Variants in CUX1 observed in about 807,000 individuals in gnomAD.
The protein encoded by CUX1 is protein CASP.
A neutral mutation model predicts 158.8 loss-of-function variants in CUX1; 31 were observed. The observed-to-expected ratio is 0.20, with a 90% CI of 0.15 to 0.26. The LOEUF is 0.26. Among genes scored for constraint, CUX1 ranks in the 10% least tolerant of loss-of-function variants. The pLI is 1.00. For synonymous variants in CUX1, 879 were observed against 862.1 expected, an observed-to-expected ratio of 1.02 and a Z score of -0.34; for missense variants, 1,589 against 2,014.6, an observed-to-expected ratio of 0.79 and a Z score of 4.04.
At chr7:102,101,245 C>T (rs145931204) in intron 5 of CUX1, among the ~76,000 whole-genome samples, 211 of 152,346 alleles carry the variant, frequency 1.4e-3, no homozygotes, top group Non-Finnish European at 2.5e-3. Flanking sequence ...ACTTCTGCCT[C>T]ATGGGCCACA....
intron 2 of CUX1, among the ~76,000 whole-genome samples, chr7:102,021,614 C>CTTTTTTTTTTTTTTT (rs67147187): frequency 8.2e-5 from 9 of 109,336 alleles, no homozygotes; most frequent in South Asian, 2.7e-4. Context: ...TTTTTTTTCT[C>CTTTTTTTTTTTTTTT]TTTTTTTTTT....
In CUX1 at chr7:102,106,978, A is replaced by G. The variant is rs539374157; in HGVS notation, c.530+2519A>G. Among the ~76,000 whole-genome samples the G allele has an allele frequency of 1.1e-4, 16 of 152,348 alleles. No individual in the cohort carries two copies. In the East Asian group the frequency reaches 3.1e-3, roughly 29 times the overall value. ...CACAGTGGCTCACATCTGTAATCCC[A>G]GCACTTTGAGAGGCTGAGGCAGGAG... On this transcript the variant is annotated intron_variant, in intron 6 of 23. Transcript: ENST00000292535.
chr7:102,167,943 C>T (rs577743152), intron 9 of CUX1, among the ~76,000 whole-genome samples: 74 of 152,026 alleles, frequency 4.9e-4, no homozygotes, highest in Admixed American at 8.5e-4. Flanking sequence ...TCGGTTGTGG[C>T]ATTGTGTGTC....
rs1280561235 is a variant in CUX1 at position 102,275,416 on chromosome 7, A to G, written c.1563+57A>G. 2.9e-6 allele frequency: 4 copies of G among 1,365,252 alleles called. No individual in the cohort carries two copies. The East Asian group carries it at 7.0e-5, about 24-fold the overall frequency. The allele number at this position is 1,365,252 out of a possible 1,614,324, so 84.6% of individuals were successfully genotyped here. A position where few individuals can be genotyped will look rare whatever the true frequency, so the allele number is the denominator to read the frequency against. On this transcript the variant is annotated intron_variant, in intron 17 of 22. Coordinates refer to the CUX1 transcript ENST00000292538. ...TTGGGCCCAAGGACACAGTTGGGGA[A>G]CACACAGGCTTTCAGGAGAGAGATG...
In CUX1 at chr7:101,869,638, G is replaced by C. The variant is rs945077168; in HGVS notation, c.31-46477G>C. 6.6e-6 allele frequency among the ~76,000 whole-genome samples: 1 copy of C among 152,134 alleles called. No individual in the cohort carries two copies. The highest frequency in any genetic ancestry group is 2.1e-4 in the South Asian group (1 of 4,822). On this transcript the variant is annotated intron_variant, in intron 1 of 23. Coordinates refer to ENST00000292535, the MANE Select transcript of CUX1 (RefSeq NM_181552.4). This position sits in a 1 kb window ranked among gnomAD's most constrained non-coding sequence, Gnocchi z 4.5. ...GGCGGCCAGCAGGGCGGGAGGAGGC[G>C]TTGGTGTGCACACGCGGGGAGCCTC...
chr7:102,111,887 G>C lies in CUX1; in HGVS notation c.607+113G>C, dbSNP rs1830927654. The stretch of plus-strand genomic sequence containing the variant: ...GATACCTGTTGCTCTTCGGGGCCGT[G>C]GGAGCTGCCGGGAGCCCACGCTGAA... On this transcript the variant is annotated intron_variant, in intron 7 of 23. Coordinates refer to ENST00000292535, the MANE Select transcript of CUX1 (RefSeq NM_181552.4). The C allele has an allele frequency of 3.7e-6, 3 of 805,954 alleles. No individual in the cohort carries two copies. The Admixed American group carries it at 7.1e-5, about 19-fold the overall frequency. The allele number at this position is 805,954 out of a possible 1,614,324, so 49.9% of individuals were successfully genotyped here. A position where few individuals can be genotyped will look rare whatever the true frequency, so the allele number is the denominator to read the frequency against.
chr7:102,272,902 G>A (rs782107187), intron 14 of CUX1, among the ~76,000 whole-genome samples: 3 of 152,088 alleles, frequency 2.0e-5, no homozygotes, highest in Non-Finnish European at 4.4e-5. Context: ...GCACCCCCGC[G>A]GCTTTCTCTG....
chr7:101,928,044 G>A (rs1012679207), intron 2 of CUX1, among the ~76,000 whole-genome samples: 2 of 152,130 alleles, frequency 1.3e-5, no homozygotes, highest in Admixed American at 6.5e-5. Context: ...GTGTCCAGCC[G>A]TTTTTACAGG....
At chr7:102,213,877 A>G (rs1238213380) in intron 20 of CUX1, among the ~76,000 whole-genome samples, 1 of 152,200 alleles carries the variant, frequency 6.6e-6, no homozygotes, top group Non-Finnish European at 1.5e-5. Flanking sequence ...TCACACCTGT[A>G]ATCCCAGCAC....
intron 2 of CUX1, among the ~76,000 whole-genome samples, chr7:102,020,118 T>A (rs2129317437): frequency 6.6e-6 from 1 of 152,374 alleles, no homozygotes; most frequent in East Asian, 1.9e-4. Flanking sequence ...ACCTGTGAAC[T>A]AAAATCTTTG....
chr7:102,279,431 G>A (rs1193573502), intron 18 of CUX1, among the ~76,000 whole-genome samples: 2 of 152,214 alleles, frequency 1.3e-5, no homozygotes, highest in Non-Finnish European at 2.9e-5. Flanking sequence ...AAACTCACTT[G>A]CCGAGTTTTT....
At chr7:101,880,857 C>T (rs12532064) in intron 1 of CUX1, among the ~76,000 whole-genome samples, 11,848 of 152,240 alleles carry the variant, frequency 0.078, 958 homozygotes, top group East Asian at 0.44. Context: ...CCCCCCACCC[C>T]CAGGTCCTGG....
Position 102,253,067 on chromosome 7 carries a change from G to T in CUX1, c.*4025G>T. On this transcript the variant is annotated 3_prime_UTR_variant, in exon 24 of 24. Transcript: ENST00000292535. ...GATACCAGTCGACAGCCTCCCTGGG[G>T]TAGATCCCTTGTACCTCCAAAGTAC... is the stretch of plus-strand genomic sequence containing the variant. 1.0e-6 allele frequency: 1 copy of T among 985,452 alleles called. No homozygotes were observed. Among genetic ancestry groups the T allele is most frequent in the African/African-American group, 1.7e-5 (1 of 57,362 alleles). The allele number at this position is 985,452 out of a possible 1,614,324, so 61.0% of individuals were successfully genotyped here.
intron 3 of CUX1, among the ~76,000 whole-genome samples, chr7:102,041,164 G>A (rs1380099347): frequency 1.3e-5 from 2 of 149,926 alleles, no homozygotes; most frequent in Admixed American, 1.3e-4. Flanking sequence ...AAATTAGCCA[G>A]GCATGGTGGT....
rs79846618 is a variant in CUX1, at chr7:102,083,209, G to A, written c.268+12792G>A. 4.6e-3 allele frequency among the ~76,000 whole-genome samples: 683 copies of A among 147,236 alleles called. 84 individuals are homozygous for A. Among genetic ancestry groups the A allele is most frequent in the Non-Finnish European group, 6.7e-3 (439 of 65,170 alleles). On this transcript the variant is annotated intron_variant, in intron 4 of 23. Coordinates refer to ENST00000292535, the MANE Select transcript of CUX1 (RefSeq NM_181552.4). ...GTGAATGCGTAATGTATTTCACAAC[G>A]ATTTTAGTTTGCATTTTCCTGATGA... is the stretch of plus-strand genomic sequence containing the variant.
intron 3 of CUX1, among the ~76,000 whole-genome samples, chr7:102,038,257 C>T (rs980403214): frequency 1.3e-5 from 2 of 152,154 alleles, no homozygotes; most frequent in African/African-American, 4.8e-5. Flanking sequence ...GGCTGTGCAT[C>T]CCACCGTTGT....
At chr7:102,132,319 G>GCA (rs1198048929) in intron 8 of CUX1, among the ~76,000 whole-genome samples, 2 of 820 alleles carry the variant, frequency 2.4e-3, no homozygotes, top group Non-Finnish European at 0.014. Flanking sequence ...GCGCGCGCGC[G>GCA]CGCGCACGCC....
chr7:102,164,745 A>G (rs1327757301), intron 9 of CUX1, among the ~76,000 whole-genome samples: 1 of 152,172 alleles, frequency 6.6e-6, no homozygotes, highest in Non-Finnish European at 1.5e-5. Flanking sequence ...TGTTCACTGT[A>G]ATTGCATGCT....
chr7:102,063,034 G>A (rs528809425), intron 3 of CUX1, among the ~76,000 whole-genome samples: 3 of 152,196 alleles, frequency 2.0e-5, no homozygotes, highest in South Asian at 4.2e-4. Context: ...GAACCTGGGC[G>A]GGGAGGTTGC....
Sources: gnomAD v4.1 joint callset for allele counts (sites outside exome capture counted in the v4.1 genomes callset) on GRCh38, gnomAD v4.1.1 for gene constraint, Gnocchi (gnomAD v3.1) non-coding constraint, MANE v1.5 for transcripts, NCBI Gene and HGNC (gene_info 2026-07-23, HGNC 2026-07-21) for gene names.